HTR1F: variants seen among roughly 807,000 people sequenced by gnomAD.
HTR1F encodes the protein 5-hydroxytryptamine receptor 1F.
Under a neutral mutation model 24.0 loss-of-function variants are expected in HTR1F, and 17 were observed. That is an observed-to-expected ratio of 0.71 (90% CI 0.48 to 1.06). The LOEUF (loss-of-function observed/expected upper bound fraction) is 1.06. Ranked by LOEUF, HTR1F falls within the 50% of genes least tolerant of loss-of-function variation. HTR1F has a pLI of 0.00. For missense variants in HTR1F, 391 were observed against 427.8 expected, an observed-to-expected ratio of 0.91 and a Z score of 0.76; for synonymous variants, 186 against 156.8, an observed-to-expected ratio of 1.19 and a Z score of -1.39.
chr3:87,859,173 C>T (rs138368112), intron 2 of HTR1F, among the ~76,000 whole-genome samples: 2,906 of 152,166 alleles, frequency 0.019, 100 homozygotes, highest in African/African-American at 0.066. Flanking sequence ...ACTCCAGCCT[C>T]GGCAACAAGA....
intron 2 of HTR1F, among the ~76,000 whole-genome samples, chr3:87,984,516 CGCATGGCATGATTTTG>C (rs1439957065): frequency 1.3e-5 from 2 of 151,954 alleles, no homozygotes; most frequent in Non-Finnish European, 2.9e-5. Context: ...CAAGCTGGAG[CGCATGGCATGATTTTG>C]GCTCACTACA....
At chr3:87,796,162 G>T (rs1239785962) in intron 1 of HTR1F, among the ~76,000 whole-genome samples, 1 of 152,176 alleles carries the variant, frequency 6.6e-6, no homozygotes, top group Non-Finnish European at 1.5e-5. Flanking sequence ...ATGTATTGTA[G>T]AGATGGTGAG....
In HTR1F at chr3:87,991,161, A is replaced by G; in HGVS notation, c.412A>G (p.Lys138Glu). 6.2e-7 allele frequency: 1 copy of G among 1,614,040 alleles called. No individual in the cohort carries two copies. The highest frequency in any genetic ancestry group is 1.3e-5 in the African/African-American group (1 of 75,008). ...AVEYARKRTP[K>E]HAGIMITIVW... ...TGAGTATGCCAGGAAAAGGACTCCA[A>G]AGCATGCTGGCATTATGATTACAAT... The change falls in exon 3 of 3, where the codon AAG becomes GAG. Residue 138 changes from lysine (K) to glutamate (E), a missense_variant. By Grantham distance (56) the Lys-to-Glu change is moderately conservative. Coordinates refer to ENST00000319595, the MANE Select transcript of HTR1F (RefSeq NM_001322209.2).
intron 1 of HTR1F, among the ~76,000 whole-genome samples, chr3:87,812,418 T>C (rs2107100538): frequency 1.1e-5 from 1 of 87,908 alleles, no homozygotes; most frequent in East Asian, 3.5e-4. Context: ...AAGAGACTAG[T>C]GGAATTTTGC....
rs7617952 is a variant in HTR1F, at chr3:87,815,234, C to T, written c.-159-6774C>T. Reference sequence around the variant, plus strand: ...AAAACCCTGACATTAAAAATAGTGTCTGCAGTGTTTTAATGGATGAAGATG... The same window carrying T: ...AAAACCCTGACATTAAAAATAGTGTTTGCAGTGTTTTAATGGATGAAGATG... On this transcript the variant is annotated intron_variant, in intron 1 of 2. Transcript: ENST00000319595. 3.9e-3 allele frequency among the ~76,000 whole-genome samples: 587 copies of T among 152,064 alleles called. 6 individuals are homozygous for T. The highest frequency in any genetic ancestry group is 0.014 in the African/African-American group (565 of 41,508).
At chr3:87,866,320 C>G (rs1705425748) in intron 2 of HTR1F, among the ~76,000 whole-genome samples, 1 of 152,126 alleles carries the variant, frequency 6.6e-6, no homozygotes, top group Non-Finnish European at 1.5e-5. Context: ...GGATTTAGAG[C>G]TGCTAGTCAG....
intron 2 of HTR1F, among the ~76,000 whole-genome samples, chr3:87,961,000 GCA>G (rs536116656): frequency 4.3e-4 from 62 of 144,074 alleles, no homozygotes; most frequent in Admixed American, 5.5e-4. Flanking sequence ...TTGGTATGGT[GCA>G]CACACACACA....
chr3:87,867,793 C>T (rs1264937326), intron 2 of HTR1F, among the ~76,000 whole-genome samples: 2 of 152,080 alleles, frequency 1.3e-5, no homozygotes, highest in Non-Finnish European at 2.9e-5. Context: ...TAAAATGGTA[C>T]CACATTGTAC....
At chr3:87,917,687 T>C (rs1703925676) in intron 2 of HTR1F, among the ~76,000 whole-genome samples, 1 of 150,884 alleles carries the variant, frequency 6.6e-6, no homozygotes, top group African/African-American at 2.4e-5. Flanking sequence ...CCTGAACAGA[T>C]GAAAAACAAG....
In HTR1F at chr3:87,886,596, C is replaced by T. The variant is rs144856723; in HGVS notation, c.-43+64472C>T. On this transcript the variant is annotated intron_variant, in intron 2 of 2. Coordinates refer to ENST00000319595, the MANE Select transcript of HTR1F (RefSeq NM_001322209.2). ...TGACTGTATATTTAGAAAGCCCCAT[C>T]GTCTCAGCCCAAAAACTCCTTAACC... 1.5e-3 allele frequency among the ~76,000 whole-genome samples: 228 copies of T among 152,254 alleles called. 2 individuals carry two copies. The highest frequency in any genetic ancestry group is 5.0e-3 in the African/African-American group (207 of 41,540).
At chr3:87,935,946 G>A (rs1040622103) in intron 2 of HTR1F, among the ~76,000 whole-genome samples, 6 of 152,188 alleles carry the variant, frequency 3.9e-5, no homozygotes, top group Non-Finnish European at 8.8e-5. Flanking sequence ...CACCTTCTGG[G>A]TTCAAGCGAT....
chr3:87,989,135 TA>T (rs1458821471), intron 2 of HTR1F, among the ~76,000 whole-genome samples: 2 of 152,142 alleles, frequency 1.3e-5, no homozygotes, highest in East Asian at 1.9e-4. Context: ...AGGATTGATT[TA>T]AAAAAATGCT....
intron 2 of HTR1F, among the ~76,000 whole-genome samples, chr3:87,856,202 TATAG>T (rs1395459989): frequency 6.6e-6 from 1 of 152,006 alleles, no homozygotes; most frequent in African/African-American, 2.4e-5. Context: ...TCAAGTTTAT[TATAG>T]ATATTTATTT....
At chr3:87,823,738 C>T (rs1457709578) in intron 2 of HTR1F, among the ~76,000 whole-genome samples, 1 of 151,844 alleles carries the variant, frequency 6.6e-6, no homozygotes, top group African/African-American at 2.4e-5. Context: ...CTCAGCCTCC[C>T]AAAGTGCTGG....
At chr3:87,871,834 A>G (rs549672313) in intron 2 of HTR1F, among the ~76,000 whole-genome samples, 6 of 152,198 alleles carry the variant, frequency 3.9e-5, no homozygotes, top group African/African-American at 1.4e-4. Context: ...TACCTCGCTT[A>G]CAACAATAGG....
intron 1 of HTR1F, among the ~76,000 whole-genome samples, chr3:87,814,090 G>A (rs1704206931): frequency 6.6e-6 from 1 of 152,100 alleles, no homozygotes; most frequent in South Asian, 2.1e-4. Context: ...GGTAAAGGGT[G>A]CCTTGTGCCT....
intron 2 of HTR1F, among the ~76,000 whole-genome samples, chr3:87,836,519 G>A (rs1348765405): frequency 6.6e-6 from 1 of 152,086 alleles, no homozygotes; most frequent in Non-Finnish European, 1.5e-5. Flanking sequence ...CATCCAGTAA[G>A]CATTGAATAA....
At chr3:87,805,416 T>A (rs1280344654) in intron 1 of HTR1F, among the ~76,000 whole-genome samples, 10 of 152,136 alleles carry the variant, frequency 6.6e-5, no homozygotes, top group Non-Finnish European at 1.5e-4. Context: ...TGTTTGTCAA[T>A]AAGTTTTATA....
At chr3:87,814,095 G>T (rs1323244692) in intron 1 of HTR1F, among the ~76,000 whole-genome samples, 2 of 152,126 alleles carry the variant, frequency 1.3e-5, no homozygotes, top group African/African-American at 2.4e-5. Context: ...AGGGTGCCTT[G>T]TGCCTGGTGG....
Sources: gnomAD v4.1 joint callset for allele counts (sites outside exome capture counted in the v4.1 genomes callset) on GRCh38, gnomAD v4.1.1 for gene constraint, MANE v1.5 for transcripts, NCBI Gene and HGNC (gene_info 2026-07-23, HGNC 2026-07-21) for gene names.